TUBAL3: variants seen among roughly 807,000 people sequenced by gnomAD.
TUBAL3 encodes the protein tubulin alpha like 3.
TUBAL3 carries 16 observed loss-of-function variants against 15.5 expected under a neutral mutation model. The ratio of observed to expected loss-of-function variants is 1.04; its 90% CI spans 0.70 to 1.57. The LOEUF (loss-of-function observed/expected upper bound fraction) is 1.57, where lower values mean the gene tolerates loss of function less well. Among genes scored for constraint, TUBAL3 ranks in the 40% most tolerant of loss-of-function variants. The probability of loss-of-function intolerance (pLI) is 0.00; values close to 1 mark genes in which losing one functional copy is unlikely to be tolerated. For missense variants in TUBAL3, 609 were observed against 576.2 expected (o/e 1.06, Z -0.58); for synonymous variants, 238 against 224.3 (o/e 1.06, Z -0.55).
chr10:5,403,551 A>AAG (rs1185146217), intron 1 of TUBAL3, among the ~76,000 whole-genome samples: 1 of 151,720 alleles, frequency 6.6e-6, no homozygotes, highest in African/African-American at 2.4e-5. Flanking sequence ...ATTAAAAAAA[A>AAG]AAAAGATTGT....
intron 1 of TUBAL3, among the ~76,000 whole-genome samples, chr10:5,402,846 C>T (rs1425080588): frequency 6.6e-6 from 1 of 152,184 alleles, no homozygotes; most frequent in Non-Finnish European, 1.5e-5. Context: ...ATCCAGAAAC[C>T]ATCCCCACTG....
At chr10:5,398,691 A>C (rs1295677475) in intron 2 of TUBAL3, among the ~76,000 whole-genome samples, 3 of 152,216 alleles carry the variant, frequency 2.0e-5, no homozygotes, top group Non-Finnish European at 2.9e-5. Context: ...CCCGCAGCCC[A>C]GGATGGCTTT....
chr10:5,398,752 G>GT (rs5782824), intron 2 of TUBAL3, among the ~76,000 whole-genome samples: 99,614 of 151,880 alleles, frequency 0.66, 32,862 homozygotes, highest in Admixed American at 0.72. Context: ...TTATGAGATC[G>GT]TTTTGCAATA....
chr10:5,401,733 A>T (rs782799454), intron 1 of TUBAL3, among the ~76,000 whole-genome samples: 6 of 152,156 alleles, frequency 3.9e-5, no homozygotes, highest in Non-Finnish European at 8.8e-5. Flanking sequence ...AATTGATTTT[A>T]TATACATCAA....
chr10:5,394,171 G>T lies in TUBAL3; in HGVS notation c.687C>A (p.Pro229=). ...ICHRKLGVEC[P]SHASINRLVV... The stretch of plus-strand genomic sequence containing the variant: ...CCAATCTATTGATGCTGGCATGAGA[G>T]GGGCATTCAACACCGAGTTTACGAT... Residue 229 remains proline (P), a synonymous_variant, in exon 4 of 4, where the codon CCC becomes CCA. Transcript: ENST00000380419. This position sits in a 1 kb window ranked among gnomAD's most constrained non-coding sequence, Gnocchi z 4.3. 1 of 1,614,202 alleles carries T rather than the reference G, an allele frequency of 6.2e-7. No homozygotes were observed. The highest frequency in any genetic ancestry group is 8.5e-7 in the Non-Finnish European group (1 of 1,180,046).
At position 5,393,315 on chromosome 10, in the gene TUBAL3, GA is replaced by G. The variant is rs1554813657; in HGVS notation, c.*201del. On this transcript the variant is annotated 3_prime_UTR_variant, in exon 4 of 4. Transcript: ENST00000380419. ...AGCTTCCAAAGGCTCCCAGGTAGCA[GA>G]GCTGACTTGTACCAGTAGACCAGGA... is the stretch of plus-strand genomic sequence containing the variant. 5.8e-6 allele frequency: 3 copies of G among 519,414 alleles called. No individual in the cohort carries two copies. Among genetic ancestry groups the G allele is most frequent in the African/African-American group, 1.9e-5 (1 of 52,512 alleles). 32.2% of individuals were successfully genotyped at this position (519,414 alleles called of 1,614,324 possible).
intron 2 of TUBAL3, among the ~76,000 whole-genome samples, chr10:5,398,466 A>T (rs1183293211): frequency 6.7e-6 from 1 of 150,362 alleles, no homozygotes; most frequent in Non-Finnish European, 1.5e-5. Context: ...ACATGTAGTG[A>T]CATGTGCCTG....
intron 1 of TUBAL3, 31 bp from the exon 2 acceptor site, chr10:5,401,118 G>A (rs1554814620): frequency 6.2e-7 from 1 of 1,610,274 alleles, no homozygotes; most frequent in Non-Finnish European, 8.5e-7. Flanking sequence ...TTGGAACTGA[G>A]CAGGTGTTTA....
intron 1 of TUBAL3, among the ~76,000 whole-genome samples, chr10:5,404,493 C>T (rs1831901662): frequency 6.6e-6 from 1 of 152,080 alleles, no homozygotes; most frequent in South Asian, 2.1e-4. Context: ...GGGCCTAAAA[C>T]AAAGGTGAAA....
Position 5,393,835 on chromosome 10 carries a change from GGCTGCGATT to G in TUBAL3, c.1014_1022del (p.Ile339_Ala341del), listed in dbSNP as rs782024526. The G allele has an allele frequency of 2.5e-6, 4 of 1,614,192 alleles. No homozygotes were observed. Among genetic ancestry groups the G allele is most frequent in the Non-Finnish European group, 3.4e-6 (4 of 1,180,032 alleles). Reference sequence around the variant, plus strand: ...ACTGAACAGAGTGCCTCGACTTCGTGGCTGCGATTGCTGCATTCACTTCCTTGGGGACCA... The same window carrying G: ...ACTGAACAGAGTGCCTCGACTTCGTGGCTGCATTCACTTCCTTGGGGACCA... On this transcript the variant is annotated inframe_deletion, in exon 4 of 4. Transcript: ENST00000380419.
rs1186398723 is a variant in TUBAL3, at chr10:5,395,786, G to T, written c.248-311C>A. Among the ~76,000 whole-genome samples, 1 of 152,152 alleles carries T rather than the reference G, an allele frequency of 6.6e-6. No homozygotes were observed. Among genetic ancestry groups the T allele is most frequent in the African/African-American group, 2.4e-5 (1 of 41,434 alleles). On this transcript the variant is annotated intron_variant, in intron 2 of 3. Transcript: ENST00000380419. The surrounding 1 kb of genome is among the most constrained non-coding windows in gnomAD (Gnocchi z 4.6). ...AATTTATTTCCTAACAGCTCCAGAG[G>T]CTGGAAGTCTAACATCAAGGCGTTG...
chr10:5,403,848 C>A lies in TUBAL3; in HGVS notation c.3+942G>T, dbSNP rs138409486. ...TGATAAGTCATAGCACATTATTAAA[C>A]GCTGCTATAAGGATTATTTGAATTA... On this transcript the variant is annotated intron_variant, in intron 1 of 3. Transcript: ENST00000380419. Among the ~76,000 whole-genome samples the A allele has an allele frequency of 1.2e-4, 19 of 152,278 alleles. No individual in the cohort carries two copies. In the East Asian group the frequency reaches 2.3e-3, roughly 19 times the overall value.
Position 5,400,841 on chromosome 10 carries a change from TA to T in TUBAL3, c.247+2del. 2 of 1,614,170 alleles carry T rather than the reference TA, an allele frequency of 1.2e-6. No individual in the cohort carries two copies. Among genetic ancestry groups the T allele is most frequent in the South Asian group, 2.2e-5 (2 of 91,090 alleles). The stretch of plus-strand genomic sequence containing the variant: ...GTATGCTAGAATGGAACATTTATTG[TA>T]CCTATAACAGTTGGCTCCAAGTCCA... On this transcript the variant is annotated splice_donor_variant, in intron 2 of 3. Coordinates refer to ENST00000380419, the MANE Select transcript of TUBAL3 (RefSeq NM_024803.3). LOFTEE classifies it high-confidence loss of function.
intron 1 of TUBAL3, among the ~76,000 whole-genome samples, chr10:5,403,387 A>G (rs1345028159): frequency 6.6e-6 from 1 of 152,208 alleles, no homozygotes; most frequent in Admixed American, 6.5e-5. Flanking sequence ...CATTGTTTCT[A>G]CATCATTAAA....
rs782270808 is a variant in TUBAL3, at chr10:5,395,525, C to T, written c.248-50G>A. The T allele has an allele frequency of 9.5e-6, 13 of 1,367,820 alleles. No homozygotes were observed. The East Asian group carries it at 2.5e-4, about 26-fold the overall frequency. 84.7% of individuals were successfully genotyped at this position (1,367,820 alleles called of 1,614,324 possible). ...TGCAACTCACCCAGTGCAATTCAGCCGTCCACCTGCTGCTAGTCCTCCTGG... is the reference window on the plus strand; with the variant it reads ...TGCAACTCACCCAGTGCAATTCAGCTGTCCACCTGCTGCTAGTCCTCCTGG... On this transcript the variant is annotated intron_variant, in intron 2 of 3. Transcript: ENST00000380419. The surrounding 1 kb of genome is among the most constrained non-coding windows in gnomAD (Gnocchi z 4.6).
At position 5,394,535 on chromosome 10, in the gene TUBAL3, G is replaced by T. The variant is rs1831733920; in HGVS notation, c.397-74C>A. 1 of 1,373,716 alleles carries T rather than the reference G, an allele frequency of 7.3e-7. No individual in the cohort carries two copies. The highest frequency in any genetic ancestry group is 1.4e-5 in the South Asian group (1 of 69,336). 85.1% of individuals were successfully genotyped at this position (1,373,716 alleles called of 1,614,324 possible). On this transcript the variant is annotated intron_variant, in intron 3 of 3. Transcript: ENST00000380419. This position sits in a 1 kb window ranked among gnomAD's most constrained non-coding sequence, Gnocchi z 4.3. Reference sequence around the variant, plus strand: ...GCAGTGAATTGGACAGTAGTGGCAGGATACAACAGGTTTCCCCAAAACAAA... The same window carrying T: ...GCAGTGAATTGGACAGTAGTGGCAGTATACAACAGGTTTCCCCAAAACAAA...
rs782269668 is a variant in TUBAL3, at chr10:5,393,688, C to T, written c.1170G>A (p.Ala390=). The T allele has an allele frequency of 8.1e-6, 13 of 1,614,066 alleles. No individual in the cohort carries two copies. The highest frequency in any genetic ancestry group is 2.7e-5 in the African/African-American group (2 of 74,932). ...CCAGGCGGGCCCAGGCCTCCACAATCGCCGTGGTGTTGCTCAGCATGCAGA... is the reference window on the plus strand; with the variant it reads ...CCAGGCGGGCCCAGGCCTCCACAATTGCCGTGGTGTTGCTCAGCATGCAGA... ...RSICMLSNTT[A]IVEAWARLDH... Residue 390 remains alanine (A), a synonymous_variant, in exon 4 of 4, where the codon GCG becomes GCA. Transcript: ENST00000380419.
intron 2 of TUBAL3, among the ~76,000 whole-genome samples, chr10:5,400,346 C>A (rs572003547): frequency 6.6e-6 from 1 of 152,116 alleles, no homozygotes; most frequent in Non-Finnish European, 1.5e-5. Flanking sequence ...AGAAGGCTAA[C>A]CTAGGCCAAG....
In TUBAL3 at chr10:5,399,552, G is replaced by A. The variant is rs551480103; in HGVS notation, c.247+1292C>T. Among the ~76,000 whole-genome samples, 9 of 152,298 alleles carry A rather than the reference G, an allele frequency of 5.9e-5. No individual in the cohort carries two copies. In the South Asian group the frequency reaches 1.2e-3, roughly 21 times the overall value. ...CAACAACTGTTGTCTAAGCCACCGG[G>A]TCCATGGTGTTCCAATACAGCAGTC... On this transcript the variant is annotated intron_variant, in intron 2 of 3. Coordinates refer to ENST00000380419, the MANE Select transcript of TUBAL3 (RefSeq NM_024803.3).
Sources: allele counts gnomAD v4.1 joint callset (sites outside exome capture counted in the v4.1 genomes callset), GRCh38; gene constraint gnomAD v4.1.1; non-coding constraint Gnocchi (gnomAD v3.1); transcripts MANE v1.5; gene names NCBI Gene and HGNC (gene_info 2026-07-23, HGNC 2026-07-21).